The following OR51B5 variants were observed in gnomAD, a reference collection of about 807,000 sequenced individuals.
OR51B5 encodes the protein olfactory receptor 51B5.
For synonymous variants in OR51B5, 186 were observed against 144.8 expected (o/e 1.28, Z -2.04); for missense variants, 456 against 374.6 (o/e 1.22, Z -1.79).
intron 1 of OR51B5, among the ~76,000 whole-genome samples, chr11:5,401,273 G>C (rs535938365): frequency 4.6e-5 from 7 of 152,304 alleles, no homozygotes; most frequent in South Asian, 4.1e-4. Context: ...GATAAGGTAA[G>C]TTTCTTTGAG....
chr11:5,439,752 A>G (rs565778456), intron 1 of OR51B5, among the ~76,000 whole-genome samples: 51 of 152,296 alleles, frequency 3.3e-4, no homozygotes, highest in African/African-American at 1.2e-3. Context: ...CTTGTTGCAC[A>G]GCAGATGGGC....
intron 1 of OR51B5, among the ~76,000 whole-genome samples, chr11:5,401,907 TTCTC>T (rs35158872): frequency 7.6e-4 from 114 of 149,748 alleles, no homozygotes; most frequent in Middle Eastern, 6.8e-3. Flanking sequence ...TTCCTTTTCT[TTCTC>T]TCTCTCTCTT....
At chr11:5,445,405 G>A (rs78152987) in intron 1 of OR51B5, among the ~76,000 whole-genome samples, 9,631 of 152,110 alleles carry the variant, frequency 0.063, 381 homozygotes, top group South Asian at 0.14. Context: ...TAGCATCCAT[G>A]TAACAAATTC....
chr11:5,417,750 C>T (rs1236433557), intron 1 of OR51B5, among the ~76,000 whole-genome samples: 2 of 149,616 alleles, frequency 1.3e-5, no homozygotes, highest in Non-Finnish European at 3.0e-5. Context: ...GTTAGAATGG[C>T]AATCATTAAA....
chr11:5,382,298 C>T (rs1336920691), intron 1 of OR51B5, among the ~76,000 whole-genome samples: 1 of 152,156 alleles, frequency 6.6e-6, no homozygotes, highest in South Asian at 2.1e-4. Context: ...TTTGGAAATA[C>T]CTTTCTATAA....
chr11:5,400,820 G>C (rs930003729), intron 1 of OR51B5, among the ~76,000 whole-genome samples: 2 of 152,226 alleles, frequency 1.3e-5, no homozygotes, highest in African/African-American at 4.8e-5. Flanking sequence ...ACTGGTTATA[G>C]ATCTGCAGAG....
intron 1 of OR51B5, among the ~76,000 whole-genome samples, chr11:5,424,535 T>A (rs545971326): frequency 1.3e-5 from 2 of 152,030 alleles, no homozygotes; most frequent in African/African-American, 2.4e-5. Context: ...AGTACACAGG[T>A]AGGCATTATT....
intron 1 of OR51B5, among the ~76,000 whole-genome samples, chr11:5,411,411 T>G (rs1250117863): frequency 2.0e-5 from 3 of 152,054 alleles, no homozygotes; most frequent in East Asian, 3.8e-4. Flanking sequence ...CAGTATGATG[T>G]TGGCACAACT....
Position 5,387,336 on chromosome 11 carries a change from G to A in OR51B5, n.85-40426C>T, listed in dbSNP as rs138812106. Among the ~76,000 whole-genome samples the A allele has an allele frequency of 2.9e-3, 442 of 152,206 alleles. 1 individual carries two copies. The highest frequency in any genetic ancestry group is 0.01 in the African/African-American group (418 of 41,534). On this transcript the variant is annotated intron_variant and non_coding_transcript_variant, in intron 1 of 4. Transcript: ENST00000415970. ...GACTCTCCATTGCATTTGGCCCCTA[G>A]AAGTCACTGGTGAATTTAAGGAGCA...
chr11:5,468,695 G>A (rs755986090), intron 1 of OR51B5: 20 of 456,568 alleles, frequency 4.4e-5, no homozygotes, highest in South Asian at 3.1e-4. Context: ...TGACACACAT[G>A]TGTTGAGTGT....
At chr11:5,389,751 CTT>C in intron 1 of OR51B5, 1 of 1,613,996 alleles carries the variant, frequency 6.2e-7, no homozygotes, top group Non-Finnish European at 8.5e-7. Context: ...TGCATCCACT[CTT>C]TTTCCTTCAT....
intron 1 of OR51B5, among the ~76,000 whole-genome samples, chr11:5,472,878 G>A (rs1453971904): frequency 1.3e-5 from 2 of 152,158 alleles, no homozygotes; most frequent in Non-Finnish European, 2.9e-5. Flanking sequence ...ACGGAGAGGA[G>A]CCTAATTATT....
intron 1 of OR51B5, among the ~76,000 whole-genome samples, chr11:5,371,786 G>T (rs963351841): frequency 6.6e-6 from 1 of 151,946 alleles, no homozygotes; most frequent in South Asian, 2.1e-4. Flanking sequence ...AACATCTACT[G>T]TCATAACAAA....
intron 1 of OR51B5, among the ~76,000 whole-genome samples, chr11:5,363,351 T>G (rs11037015): frequency 8.6e-5 from 2 of 23,344 alleles, no homozygotes; most frequent in Admixed American, 4.9e-4. Flanking sequence ...CAGTTTTTTT[T>G]GGTTTTTGTT....
At chr11:5,347,176 A>G (rs769310278), upstream of OR51B5, among the ~76,000 whole-genome samples, 17 of 152,166 alleles carry the variant, frequency 1.1e-4, no homozygotes, top group Non-Finnish European at 2.2e-4. Flanking sequence ...AGACTCTGGT[A>G]TCACCTCTGG....
intron 1 of OR51B5, among the ~76,000 whole-genome samples, chr11:5,446,596 G>A (rs1053020156): frequency 6.6e-6 from 1 of 152,108 alleles, no homozygotes; most frequent in Non-Finnish European, 1.5e-5. Context: ...TAAATTTTAC[G>A]TATTTGACAT....
chr11:5,460,862 T>C (rs143247554), intron 1 of OR51B5, among the ~76,000 whole-genome samples: 74 of 152,340 alleles, frequency 4.9e-4, no homozygotes, highest in Non-Finnish European at 9.1e-4. Flanking sequence ...AGCTCAGCAC[T>C]CTTGGCCTAC....
At chr11:5,410,674 G>C (rs1029012860) in intron 1 of OR51B5, among the ~76,000 whole-genome samples, 8 of 152,056 alleles carry the variant, frequency 5.3e-5, no homozygotes, top group Non-Finnish European at 1.2e-4. Flanking sequence ...CAAGAATAAG[G>C]CATCATTATC....
intron 1 of OR51B5, among the ~76,000 whole-genome samples, chr11:5,415,953 G>A (rs1422334336): frequency 6.9e-6 from 1 of 145,756 alleles, no homozygotes; most frequent in Non-Finnish European, 1.5e-5. Context: ...TGATACCAAA[G>A]CCGGGCAGAG....
Sources: gnomAD v4.1 joint callset for allele counts (sites outside exome capture counted in the v4.1 genomes callset) on GRCh38, gnomAD v4.1.1 for gene constraint, MANE v1.5 for transcripts, NCBI Gene and HGNC (gene_info 2026-07-23, HGNC 2026-07-21) for gene names.